The following CDH12 variants were observed in gnomAD, a reference collection of about 807,000 sequenced individuals.
CDH12 encodes the protein cadherin-12.
In CDH12, 41 loss-of-function variants were observed where a neutral mutation model predicts 74.1. That is an observed-to-expected ratio of 0.55 (90% CI 0.43 to 0.72). CDH12 has a LOEUF of 0.72. CDH12 is among the 30% of genes least tolerant of loss of function. The pLI is 0.00. For missense variants in CDH12, 945 were observed against 977.2 expected (o/e 0.97, Z 0.44); for synonymous variants, 399 against 355.0 (o/e 1.12, Z -1.39).
chr5:22,443,780 T>C (rs1454962726), intron 2 of CDH12, among the ~76,000 whole-genome samples: 1 of 152,128 alleles, frequency 6.6e-6, no homozygotes, highest in Non-Finnish European at 1.5e-5. Flanking sequence ...TTCCAAATTC[T>C]TTTTTGGTTC....
At chr5:22,362,848 G>A (rs1183747164) in intron 3 of CDH12, among the ~76,000 whole-genome samples, 6 of 147,286 alleles carry the variant, frequency 4.1e-5, no homozygotes, top group East Asian at 2.0e-4. Flanking sequence ...CCCAAACACC[G>A]CATGTTCTCA....
Position 22,636,714 on chromosome 5 carries a change from T to C in CDH12, c.-522-131350A>G, listed in dbSNP as rs184006425. 3.6e-3 allele frequency among the ~76,000 whole-genome samples: 550 copies of C among 152,290 alleles called. 1 individual carries two copies. The highest frequency in any genetic ancestry group is 0.01 in the African/African-American group (424 of 41,560). ...ATGGTTACTTTGGCAGAGGAAAGGG[T>C]GATGAAAATATTTTTAACTTAGTTT... On this transcript the variant is annotated intron_variant, in intron 1 of 14. Coordinates refer to ENST00000382254, the MANE Select transcript of CDH12 (RefSeq NM_004061.5).
intron 2 of CDH12, among the ~76,000 whole-genome samples, chr5:22,440,767 C>T (rs185441202): frequency 2.6e-5 from 4 of 152,188 alleles, no homozygotes; most frequent in Non-Finnish European, 4.4e-5. Context: ...CTTGTTAGAA[C>T]GCTTATAGTT....
intron 1 of CDH12, among the ~76,000 whole-genome samples, chr5:22,710,924 T>G (rs1464920980): frequency 2.6e-5 from 4 of 152,162 alleles, no homozygotes; most frequent in African/African-American, 9.6e-5. Flanking sequence ...GGCACAATTA[T>G]TTGTATATGT....
chr5:22,807,513 G>T (rs763883771), intron 1 of CDH12, among the ~76,000 whole-genome samples: 2 of 152,132 alleles, frequency 1.3e-5, no homozygotes, highest in Non-Finnish European at 2.9e-5. Flanking sequence ...GCTGCTTAAT[G>T]ACAGAGATAT....
At chr5:22,849,742 T>A (rs1426355659) in intron 1 of CDH12, among the ~76,000 whole-genome samples, 1 of 152,134 alleles carries the variant, frequency 6.6e-6, no homozygotes, top group Non-Finnish European at 1.5e-5. Context: ...ATGAGATGTA[T>A]ATATTTTAAG....
chr5:21,971,590 A>C (rs1756856583), intron 6 of CDH12, among the ~76,000 whole-genome samples: 1 of 152,142 alleles, frequency 6.6e-6, no homozygotes, highest in Non-Finnish European at 1.5e-5. Context: ...GGGGAAGATA[A>C]TACAAGTTGA....
At chr5:22,064,932 C>T (rs1272045954) in intron 5 of CDH12, among the ~76,000 whole-genome samples, 2 of 152,112 alleles carry the variant, frequency 1.3e-5, no homozygotes, top group Non-Finnish European at 2.9e-5. Flanking sequence ...GCCTATGTGT[C>T]TGCTGTTAAA....
At position 22,552,531 on chromosome 5, in the gene CDH12, C is replaced by T. The variant is rs370746536; in HGVS notation, c.-522-47167G>A. Among the ~76,000 whole-genome samples the T allele has an allele frequency of 2.2e-3, 330 of 151,748 alleles. 5 individuals carry two copies. The South Asian group carries it at 0.041, about 19-fold the overall frequency. ...GCAACCTCTGCCTCCTGGGTTCAAGCGATTATCCTGCCTCAGCCTCCCGTA... is the reference window on the plus strand; with the variant it reads ...GCAACCTCTGCCTCCTGGGTTCAAGTGATTATCCTGCCTCAGCCTCCCGTA... On this transcript the variant is annotated intron_variant, in intron 1 of 14. Coordinates refer to ENST00000382254, the MANE Select transcript of CDH12 (RefSeq NM_004061.5).
intron 1 of CDH12, among the ~76,000 whole-genome samples, chr5:22,536,032 A>G (rs992736337): frequency 6.6e-6 from 1 of 152,184 alleles, no homozygotes; most frequent in Non-Finnish European, 1.5e-5. Context: ...AGTATATGGG[A>G]GGATGTGTAG....
chr5:22,823,200 A>G (rs1238705651), intron 1 of CDH12, among the ~76,000 whole-genome samples: 3 of 127,578 alleles, frequency 2.4e-5, no homozygotes, highest in Non-Finnish European at 4.7e-5. Context: ...ACTTGGACAC[A>G]GGAAGGGGAA....
intron 1 of CDH12, among the ~76,000 whole-genome samples, chr5:22,840,161 C>A (rs1678552296): frequency 6.6e-6 from 1 of 152,132 alleles, no homozygotes. Context: ...CGCTTTATCA[C>A]CCAGGCTGGA....
chr5:22,437,463 C>A (rs1744443891), intron 2 of CDH12, among the ~76,000 whole-genome samples: 1 of 151,156 alleles, frequency 6.6e-6, no homozygotes, highest in Middle Eastern at 3.2e-3. Context: ...CACATTACAA[C>A]AAAGTGTTAT....
intron 5 of CDH12, among the ~76,000 whole-genome samples, chr5:22,054,969 G>A (rs1018212718): frequency 2.0e-5 from 3 of 152,158 alleles, no homozygotes; most frequent in Non-Finnish European, 4.4e-5. Flanking sequence ...GGCCCAGGCT[G>A]TATAATTTGT....
At chr5:22,620,227 T>G (rs1343796392) in intron 1 of CDH12, among the ~76,000 whole-genome samples, 1 of 152,070 alleles carries the variant, frequency 6.6e-6, no homozygotes, top group African/African-American at 2.4e-5. Flanking sequence ...CCACTCCACA[T>G]GAAATTAAAT....
Position 22,291,801 on chromosome 5 carries a change from C to T in CDH12, c.-332-79158G>A, listed in dbSNP as rs527327126. 5.6e-4 allele frequency among the ~76,000 whole-genome samples: 85 copies of T among 152,180 alleles called. 2 individuals are homozygous for T. The highest frequency in any genetic ancestry group is 1.9e-3 in the African/African-American group (79 of 41,538). ...TCCAAAGTGATCTACAAATTTAATG[C>T]AATTCCTATTAAAATACCAATGATA... On this transcript the variant is annotated intron_variant, in intron 3 of 14. Transcript: ENST00000382254.
At chr5:22,409,300 C>G (rs1743082162) in intron 2 of CDH12, among the ~76,000 whole-genome samples, 1 of 151,904 alleles carries the variant, frequency 6.6e-6, no homozygotes, top group African/African-American at 2.4e-5. Context: ...GTCTTCTTAT[C>G]TGAGGTATAC....
At chr5:21,883,440 A>C in intron 6 of CDH12, 1 of 1,600,678 alleles carries the variant, frequency 6.2e-7, no homozygotes. Flanking sequence ...AGAAGCTCTA[A>C]GTACACTCAT....
intron 1 of CDH12, among the ~76,000 whole-genome samples, chr5:22,672,146 TATTA>T (rs1487063995): frequency 1.5e-5 from 2 of 131,700 alleles, no homozygotes; most frequent in African/African-American, 5.9e-5. Context: ...AATATATATT[TATTA>T]TATATATTAT....
Sources: allele counts gnomAD v4.1 joint callset (sites outside exome capture counted in the v4.1 genomes callset), GRCh38; gene constraint gnomAD v4.1.1; transcripts MANE v1.5; gene names NCBI Gene and HGNC (gene_info 2026-07-23, HGNC 2026-07-21).